ST6GALNAC5: variants seen among roughly 807,000 people sequenced by gnomAD.
ST6GALNAC5 encodes the protein ST6 N-acetylgalactosaminide alpha-2,6-sialyltransferase 5, also known as alpha-N-acetylgalactosaminide alpha-2,6-sialyltransferase 5.
In ST6GALNAC5, 27 loss-of-function variants were observed where a neutral mutation model predicts 33.6. The observed-to-expected ratio is 0.80, with a 90% CI of 0.59 to 1.11. The LOEUF is 1.11. Ranked by LOEUF, ST6GALNAC5 falls within the 50% of genes least tolerant of loss-of-function variation. The probability of loss-of-function intolerance (pLI) is 0.00; values close to 1 mark genes in which losing one functional copy is unlikely to be tolerated. For synonymous variants in ST6GALNAC5, 194 were observed against 171.2 expected (o/e 1.13, Z -1.04); for missense variants, 428 against 454.0 (o/e 0.94, Z 0.52).
intron 2 of ST6GALNAC5, among the ~76,000 whole-genome samples, chr1:76,969,264 A>G (rs11162236): frequency 0.029 from 4,463 of 152,216 alleles, 215 homozygotes; most frequent in African/African-American, 0.097. Flanking sequence ...CCCTTTCCTA[A>G]CCAAGGGAAT....
At chr1:76,944,056 G>T (rs1006481952) in intron 2 of ST6GALNAC5, among the ~76,000 whole-genome samples, 23 of 152,046 alleles carry the variant, frequency 1.5e-4, no homozygotes, top group African/African-American at 5.6e-4. Flanking sequence ...AATCAAAAGA[G>T]GTAGGACTAT....
intron 2 of ST6GALNAC5, among the ~76,000 whole-genome samples, chr1:76,889,674 G>C (rs187041156): frequency 6.6e-6 from 1 of 151,744 alleles, no homozygotes; most frequent in African/African-American, 2.4e-5. Context: ...TGTTCTCTTC[G>C]TAATGTTTTA....
intron 4 of ST6GALNAC5, among the ~76,000 whole-genome samples, chr1:77,058,612 C>T (rs1018392098): frequency 5.9e-5 from 9 of 152,314 alleles, no homozygotes; most frequent in Non-Finnish European, 8.8e-5. Context: ...TTTGAGACAT[C>T]AGAATCATGG....
intron 2 of ST6GALNAC5, among the ~76,000 whole-genome samples, chr1:77,042,442 G>C (rs957025830): frequency 3.3e-5 from 5 of 152,214 alleles, no homozygotes; most frequent in African/African-American, 1.2e-4. Flanking sequence ...CACAGTGCCT[G>C]TCATGTAAGA....
At chr1:77,014,399 G>A (rs1557761414) in intron 2 of ST6GALNAC5, among the ~76,000 whole-genome samples, 1 of 152,190 alleles carries the variant, frequency 6.6e-6, no homozygotes, top group South Asian at 2.1e-4. Context: ...TTAGCAGGAG[G>A]CAATGGCAGA....
intron 2 of ST6GALNAC5, among the ~76,000 whole-genome samples, chr1:76,892,840 C>T (rs997292465): frequency 6.6e-6 from 1 of 152,168 alleles, no homozygotes. Context: ...TGCACCTCAG[C>T]CTGTCCAATT....
chr1:77,016,700 A>G lies in ST6GALNAC5; in HGVS notation c.262-27504A>G, dbSNP rs567287029. On this transcript the variant is annotated intron_variant, in intron 2 of 4. Coordinates refer to ENST00000477717, the MANE Select transcript of ST6GALNAC5 (RefSeq NM_030965.3). ...TATGTCACTCAAAAAACTCACTGGG[A>G]TGCACACCCTTTTAAATGACATCTT... 3.4e-3 allele frequency among the ~76,000 whole-genome samples: 511 copies of G among 152,244 alleles called. 2 individuals carry two copies. The highest frequency in any genetic ancestry group is 6.0e-3 in the Non-Finnish European group (411 of 68,018).
At chr1:77,032,841 C>A (rs867396633) in intron 2 of ST6GALNAC5, among the ~76,000 whole-genome samples, 2 of 152,142 alleles carry the variant, frequency 1.3e-5, no homozygotes, top group South Asian at 4.1e-4. Flanking sequence ...TCTCATAATT[C>A]TTTTGCATTT....
chr1:77,019,665 G>T (rs1195384386), intron 2 of ST6GALNAC5, among the ~76,000 whole-genome samples: 1 of 152,210 alleles, frequency 6.6e-6, no homozygotes, highest in Non-Finnish European at 1.5e-5. Flanking sequence ...CTTTGTTCAT[G>T]CTGATATGAG....
chr1:76,999,965 CT>C (rs1650083707), intron 2 of ST6GALNAC5, among the ~76,000 whole-genome samples: 1 of 110,980 alleles, frequency 9.0e-6, no homozygotes, highest in South Asian at 3.3e-4. Flanking sequence ...GTGCATGTGT[CT>C]TTATAGCAGC....
At chr1:76,953,560 A>G (rs1478848618) in intron 2 of ST6GALNAC5, among the ~76,000 whole-genome samples, 2 of 152,042 alleles carry the variant, frequency 1.3e-5, no homozygotes, top group Admixed American at 6.6e-5. Context: ...AGTTCTTTAT[A>G]TATTCGAGAT....
chr1:76,911,875 G>C (rs1646917435), intron 2 of ST6GALNAC5, among the ~76,000 whole-genome samples: 3 of 152,086 alleles, frequency 2.0e-5, no homozygotes, highest in African/African-American at 7.2e-5. Flanking sequence ...CAAAAAACCA[G>C]CTCCTGGATT....
chr1:76,989,103 C>T (rs111838615), intron 2 of ST6GALNAC5, among the ~76,000 whole-genome samples: 1,649 of 152,104 alleles, frequency 0.011, 33 homozygotes, highest in African/African-American at 0.038. Context: ...CGAAAGGATT[C>T]TTTATCTTTG....
At chr1:76,923,839 A>T (rs1458988860) in intron 2 of ST6GALNAC5, among the ~76,000 whole-genome samples, 1 of 152,210 alleles carries the variant, frequency 6.6e-6, no homozygotes, top group African/African-American at 2.4e-5. Context: ...ACTTCATATC[A>T]CATCTCGTAC....
intron 4 of ST6GALNAC5, among the ~76,000 whole-genome samples, 192 bp from the exon 5 acceptor site, chr1:77,062,783 G>A (rs1040668029): frequency 1.3e-5 from 2 of 152,160 alleles, no homozygotes; most frequent in Admixed American, 6.5e-5. Flanking sequence ...AAAATGATGG[G>A]CACTGATTTT....
intron 2 of ST6GALNAC5, among the ~76,000 whole-genome samples, chr1:76,957,201 T>C (rs1648037687): frequency 6.6e-6 from 1 of 152,164 alleles, no homozygotes; most frequent in African/African-American, 2.4e-5. Context: ...AATGGAGGTA[T>C]TGGCAGGGCC....
intron 2 of ST6GALNAC5, among the ~76,000 whole-genome samples, chr1:77,012,765 A>T (rs1356000766): frequency 2.6e-5 from 4 of 152,176 alleles, no homozygotes; most frequent in African/African-American, 9.6e-5. Context: ...ATAAACATTT[A>T]TTGGGTGCTT....
At chr1:76,899,367 T>G in intron 2 of ST6GALNAC5, among the ~76,000 whole-genome samples, 3 of 144,078 alleles carry the variant, frequency 2.1e-5, no homozygotes, top group Admixed American at 6.9e-5. Context: ...GGTCGGGGTG[T>G]GGAAATAAGG....
rs1400167673 is a variant in ST6GALNAC5 at position 77,044,447 on chromosome 1, A to C, written c.505A>C (p.Ile169Leu). The change falls in exon 3 of 5, where the codon ATC becomes CTC. Residue 169 changes from isoleucine (I) to leucine (L), a missense_variant. By Grantham distance (5) the Ile-to-Leu change is conservative (BLOSUM62 2). Transcript: ENST00000477717. Reference protein sequence around the residue: ...LLNVSQGTVFIFWGPSSYMRR... With the variant: ...LLNVSQGTVFLFWGPSSYMRR... The stretch of plus-strand genomic sequence containing the variant: ...CAACGTGAGCCAGGGCACCGTGTTC[A>C]TCTTCTGGGGCCCCAGCAGCTACAT... 1 of 1,613,388 alleles carries C rather than the reference A, an allele frequency of 6.2e-7. No homozygotes were observed. Among genetic ancestry groups the C allele is most frequent in the Non-Finnish European group, 8.5e-7 (1 of 1,179,652 alleles).
Sources: gnomAD v4.1 joint callset for allele counts (sites outside exome capture counted in the v4.1 genomes callset) on GRCh38, gnomAD v4.1.1 for gene constraint, MANE v1.5 for transcripts, NCBI Gene and HGNC (gene_info 2026-07-23, HGNC 2026-07-21) for gene names.